Variants in TNRC6B observed in about 807,000 individuals in gnomAD.
TNRC6B encodes trinucleotide repeat-containing gene 6B protein.
TNRC6B carries 52 observed loss-of-function variants against 203.6 expected under a neutral mutation model. The observed-to-expected ratio is 0.26, with a 90% CI of 0.20 to 0.32. The LOEUF is 0.32. Among genes scored for constraint, TNRC6B ranks in the 10% least tolerant of loss-of-function variants. The probability of loss-of-function intolerance (pLI) is 1.00; values close to 1 mark genes in which losing one functional copy is unlikely to be tolerated. For missense variants in TNRC6B, 1,923 were observed against 2,286.2 expected, an observed-to-expected ratio of 0.84 and a Z score of 3.24; for synonymous variants, 838 against 845.7, an observed-to-expected ratio of 0.99 and a Z score of 0.16.
intron 3 of TNRC6B, among the ~76,000 whole-genome samples, chr22:40,258,071 CTTT>C (rs56078653): frequency 3.6e-3 from 103 of 28,702 alleles, no homozygotes; most frequent in African/African-American, 8.9e-3. Flanking sequence ...GATACACAGC[CTTT>C]TTTTTTTTTT....
At chr22:40,222,657 G>A (rs1442839723) in intron 1 of TNRC6B, among the ~76,000 whole-genome samples, 9 of 142,838 alleles carry the variant, frequency 6.3e-5, no homozygotes, top group African/African-American at 2.4e-4. Context: ...GCAGTTGTAA[G>A]AAATAATCTC....
At chr22:40,314,461 T>C (rs560800593) in intron 19 of TNRC6B, among the ~76,000 whole-genome samples, 2 of 152,354 alleles carry the variant, frequency 1.3e-5, no homozygotes, top group African/African-American at 2.4e-5. Flanking sequence ...CCTTTACCTC[T>C]CTGCCCCTGT....
rs536133566 is a variant in TNRC6B, at chr22:40,217,940, C to T, written c.6-28075C>T. On this transcript the variant is annotated intron_variant, in intron 1 of 22. Coordinates refer to ENST00000454349, the MANE Select transcript of TNRC6B (RefSeq NM_001162501.2). ...GTGAGCCGAGGTCACGCTACTGCAC[C>T]CCAACCTGGGCGACAGAGTAAGACT... 1.3e-4 allele frequency among the ~76,000 whole-genome samples: 19 copies of T among 143,166 alleles called. No homozygotes were observed. The South Asian group carries it at 2.6e-3, about 20-fold the overall frequency. The allele number at this position is 143,166 out of a possible 152,430, so 93.9% of individuals were successfully genotyped here.
rs1388393865 is a variant in TNRC6B at position 40,329,551 on chromosome 22, C to G, written c.*6310C>G. On this transcript the variant is annotated 3_prime_UTR_variant, in exon 23 of 23. Transcript: ENST00000454349. ...ATAACAATAAAAATTCAACATCGAC[C>G]CTCCCTAACCTGCTCACCATACCTC... The G allele has an allele frequency of 6.6e-6, 1 of 151,870 alleles. No homozygotes were observed. The highest frequency in any genetic ancestry group is 2.4e-5 in the African/African-American group (1 of 41,316). 9.4% of individuals were successfully genotyped at this position (151,870 alleles called of 1,614,324 possible). A position where few individuals can be genotyped will look rare whatever the true frequency, so the allele number is the denominator to read the frequency against.
At chr22:40,180,630 C>A (rs1601863289) in intron 1 of TNRC6B, among the ~76,000 whole-genome samples, 1 of 152,176 alleles carries the variant, frequency 6.6e-6, no homozygotes, top group East Asian at 1.9e-4. Flanking sequence ...ACACGATGGT[C>A]ATCCAGAAGG....
chr22:40,162,926 A>G (rs1307221213), intron 4 of TNRC6B, among the ~76,000 whole-genome samples: 1 of 152,220 alleles, frequency 6.6e-6, no homozygotes, highest in East Asian at 1.9e-4. Context: ...TTGTAAAACC[A>G]TCAACATTTT....
chr22:40,235,441 CT>C (rs2069935000), intron 1 of TNRC6B, among the ~76,000 whole-genome samples: 1 of 152,178 alleles, frequency 6.6e-6, no homozygotes, highest in African/African-American at 2.4e-5. Context: ...CACGTCATCC[CT>C]ACAACGCTCT....
At chr22:40,060,245 A>G (rs2067838746) in intron 1 of TNRC6B, among the ~76,000 whole-genome samples, 1 of 150,800 alleles carries the variant, frequency 6.6e-6, no homozygotes, top group African/African-American at 2.4e-5. Context: ...TTTTGACAAA[A>G]AGTCTCACTC....
At chr22:40,262,730 G>GCCTTTCA (rs2070405878) in intron 4 of TNRC6B, among the ~76,000 whole-genome samples, 5 of 152,142 alleles carry the variant, frequency 3.3e-5, no homozygotes, top group Non-Finnish European at 7.3e-5. Flanking sequence ...TTAGCTGAAA[G>GCCTTTCA]GTTCTACTAG....
At position 40,262,190 on chromosome 22, in the gene TNRC6B, A is replaced by C; in HGVS notation, c.457+17A>C. On this transcript the variant is annotated intron_variant, in intron 4 of 22. Transcript: ENST00000454349. ...CTGCGCCAGGTAAGGCACCCTGTGAATCGAATGCATGGCAGCTTGACAGAG... is the reference window on the plus strand; with the variant it reads ...CTGCGCCAGGTAAGGCACCCTGTGACTCGAATGCATGGCAGCTTGACAGAG... The C allele has an allele frequency of 7.3e-7, 1 of 1,364,154 alleles. No homozygotes were observed. The highest frequency in any genetic ancestry group is 9.6e-7 in the Non-Finnish European group (1 of 1,043,072). 84.5% of individuals were successfully genotyped at this position (1,364,154 alleles called of 1,614,324 possible).
chr22:40,218,324 C>CTTTTTTT (rs71199275), intron 1 of TNRC6B, among the ~76,000 whole-genome samples: 1,106 of 97,336 alleles, frequency 0.011, 5 homozygotes, highest in East Asian at 0.024. Flanking sequence ...TTTTTCTTTT[C>CTTTTTTT]TTTTTTTTTT....
intron 1 of TNRC6B, among the ~76,000 whole-genome samples, chr22:40,055,475 A>G (rs933254302): frequency 2.0e-5 from 3 of 152,172 alleles, no homozygotes; most frequent in Admixed American, 2.0e-4. Context: ...GTACAGGGCT[A>G]ATAGCTGACT....
intron 1 of TNRC6B, among the ~76,000 whole-genome samples, chr22:40,107,849 T>C (rs542708959): frequency 2.0e-5 from 3 of 151,768 alleles, no homozygotes; most frequent in Admixed American, 2.0e-4. Flanking sequence ...ATGGACTGTA[T>C]GCAAACCGCA....
chr22:40,132,381 AGACGG>A (rs927787019), intron 3 of TNRC6B, among the ~76,000 whole-genome samples: 46 of 150,582 alleles, frequency 3.1e-4, no homozygotes, highest in African/African-American at 7.6e-4. Flanking sequence ...AGACGAGACG[AGACGG>A]GACGGGACGG....
At chr22:40,307,459 TCC>T in intron 15 of TNRC6B, among the ~76,000 whole-genome samples, 1 of 152,208 alleles carries the variant, frequency 6.6e-6, no homozygotes, top group Non-Finnish European at 1.5e-5. Flanking sequence ...ATTCTCCCCC[TCC>T]CCTGTTTCAT....
chr22:40,319,985 A>T lies in TNRC6B; in HGVS notation c.4975-1105A>T, dbSNP rs182951011. On this transcript the variant is annotated intron_variant, in intron 21 of 22. Transcript: ENST00000454349. ...GTGGCATATGCTGACATGCTTGTGTAATCTATTGTTACTTATAAAACAATG... is the reference window on the plus strand; with the variant it reads ...GTGGCATATGCTGACATGCTTGTGTTATCTATTGTTACTTATAAAACAATG... Among the ~76,000 whole-genome samples, 238 of 152,284 alleles carry T rather than the reference A, an allele frequency of 1.6e-3. 1 individual carries two copies. Among genetic ancestry groups the T allele is most frequent in the Non-Finnish European group, 2.9e-3 (195 of 68,022 alleles).
chr22:40,211,655 G>T (rs906366322), intron 1 of TNRC6B, among the ~76,000 whole-genome samples: 1 of 152,134 alleles, frequency 6.6e-6, no homozygotes, highest in Non-Finnish European at 1.5e-5. Context: ...TTTTGCGGAC[G>T]TGCTTGCATG....
intron 11 of TNRC6B, among the ~76,000 whole-genome samples, chr22:40,283,123 C>T (rs1255358400): frequency 6.6e-6 from 1 of 152,130 alleles, no homozygotes; most frequent in African/African-American, 2.4e-5. Context: ...GCAAGCTCAG[C>T]CTCCCAGGTT....
chr22:40,149,904 T>C (rs1259463760), intron 3 of TNRC6B, among the ~76,000 whole-genome samples: 1 of 152,100 alleles, frequency 6.6e-6, no homozygotes, highest in Non-Finnish European at 1.5e-5. Context: ...GCTTAAGCCA[T>C]CCTCCTGCCT....
Sources: allele counts gnomAD v4.1 joint callset (sites outside exome capture counted in the v4.1 genomes callset), GRCh38; gene constraint gnomAD v4.1.1; transcripts MANE v1.5; gene names NCBI Gene and HGNC (gene_info 2026-07-23, HGNC 2026-07-21).